SHOC2: variants seen among roughly 807,000 people sequenced by gnomAD.
SHOC2 encodes SHOC2 leucine rich repeat scaffold protein.
A neutral mutation model predicts 50.2 loss-of-function variants in SHOC2; 4 were observed. The ratio of observed to expected loss-of-function variants is 0.08; its 90% CI spans 0.04 to 0.18. SHOC2 has a LOEUF of 0.18. Among genes scored for constraint, SHOC2 ranks in the 10% least tolerant of loss-of-function variants. The pLI, the probability that SHOC2 is intolerant of heterozygous loss-of-function variation, is 1.00. For missense variants in SHOC2, 388 were observed against 669.6 expected (o/e 0.58, Z 4.64); for synonymous variants, 218 against 244.5 (o/e 0.89, Z 1.01).
At chr10:110,926,969 T>G (rs1001823981) in intron 1 of SHOC2, among the ~76,000 whole-genome samples, 2 of 152,220 alleles carry the variant, frequency 1.3e-5, no homozygotes, top group Non-Finnish European at 2.9e-5. Flanking sequence ...TTACTATGTG[T>G]TTCTTTGTTT....
At position 110,973,212 on chromosome 10, in the gene SHOC2, T is replaced by G. The variant is rs1847815698; in HGVS notation, c.703+8151T>G. Among the ~76,000 whole-genome samples, 3 of 152,234 alleles carry G rather than the reference T, an allele frequency of 2.0e-5. No homozygotes were observed. In the South Asian group the frequency reaches 6.2e-4, roughly 32 times the overall value. ...TTTACGAATGTATTTTAATAAGATT[T>G]GCTCTGATTTTTATAGAGCTGAACT... On this transcript the variant is annotated intron_variant, in intron 2 of 8. Transcript: ENST00000369452.
At position 110,964,974 on chromosome 10, in the gene SHOC2, A is replaced by C. The variant is rs370388274; in HGVS notation, c.616A>C (p.Thr206Pro). ...TLYLRFNRITTVEKDIKNLSK... is the reference protein window; with the variant it reads ...TLYLRFNRITPVEKDIKNLSK... ...TTACCTTCGCTTTAATCGTATAACT[A>C]CTGTGGAAAAGGACATCAAAAACTT... Residue 206 changes from threonine to proline, a missense_variant, in exon 2 of 9, where the codon ACT becomes CCT. Physicochemically the swap from Thr to Pro is conservative, Grantham distance 38. Around this residue, in one of 5 missense-constraint regions of SHOC2, gnomAD observed 88 missense variants for 147.2 expected, o/e 0.60. Coordinates refer to ENST00000369452, the MANE Select transcript of SHOC2 (RefSeq NM_007373.4). The surrounding 1 kb of genome is among the most constrained non-coding windows in gnomAD (Gnocchi z 4.9). 2 of 1,613,528 alleles carry C rather than the reference A, an allele frequency of 1.2e-6. No individual in the cohort carries two copies. The highest frequency in any genetic ancestry group is 2.7e-5 in the African/African-American group (2 of 74,924).
intron 2 of SHOC2, among the ~76,000 whole-genome samples, chr10:110,979,475 G>T (rs1015771319): frequency 6.6e-6 from 1 of 152,188 alleles, no homozygotes; most frequent in African/African-American, 2.4e-5. Flanking sequence ...ATGAGGCAGG[G>T]CCATTGGGGG....
At chr10:110,970,645 C>T (rs1227491305) in intron 2 of SHOC2, among the ~76,000 whole-genome samples, 1 of 151,666 alleles carries the variant, frequency 6.6e-6, no homozygotes, top group Non-Finnish European at 1.5e-5. Flanking sequence ...ATTTATGGTA[C>T]ACCCACCAAC....
At chr10:110,993,189 A>G (rs1322633781) in intron 3 of SHOC2, among the ~76,000 whole-genome samples, 1 of 152,192 alleles carries the variant, frequency 6.6e-6, no homozygotes, top group Non-Finnish European at 1.5e-5. Context: ...GAGCTCAGCA[A>G]CAATGATTTT....
intron 1 of SHOC2, among the ~76,000 whole-genome samples, chr10:110,957,840 C>G (rs1388416003): frequency 6.6e-6 from 1 of 152,186 alleles, no homozygotes; most frequent in Non-Finnish European, 1.5e-5. Flanking sequence ...TGTCCTCATA[C>G]ATTCCTTTTA....
chr10:110,975,357 G>T (rs535679768), intron 2 of SHOC2, among the ~76,000 whole-genome samples: 2 of 151,900 alleles, frequency 1.3e-5, no homozygotes, highest in South Asian at 4.2e-4. Flanking sequence ...GGGTTTCACC[G>T]TGTCTCGATC....
At chr10:110,996,213 T>C (rs910517201) in intron 3 of SHOC2, among the ~76,000 whole-genome samples, 4 of 152,098 alleles carry the variant, frequency 2.6e-5, no homozygotes, top group African/African-American at 9.7e-5. Context: ...TTTGATACAA[T>C]AGGAAATAGG....
intron 2 of SHOC2, among the ~76,000 whole-genome samples, chr10:110,972,176 A>G (rs1330838170): frequency 2.6e-5 from 4 of 151,054 alleles, no homozygotes; most frequent in African/African-American, 9.7e-5. Flanking sequence ...TAAAAAGTAT[A>G]GTATTTTCAA....
In SHOC2 at chr10:110,940,910, G is replaced by GTTTTTTTT. The variant is rs539552844; in HGVS notation, c.-235+21284_-235+21291dup. Reference sequence around the variant, plus strand: ...GACAAAATAGTGGTATTTGTGGTGGGTTTTTTTTTTTTTTTTTTTTTTTTT... The same window carrying GTTTTTTTT: ...GACAAAATAGTGGTATTTGTGGTGGGTTTTTTTTTTTTTTTTTTTTTTTTTTTTTTTTT... On this transcript the variant is annotated intron_variant, in intron 1 of 8. Coordinates refer to ENST00000369452, the MANE Select transcript of SHOC2 (RefSeq NM_007373.4). 9.6e-4 allele frequency among the ~76,000 whole-genome samples: 115 copies of GTTTTTTTT among 119,452 alleles called. 2 individuals are homozygous for GTTTTTTTT. The highest frequency in any genetic ancestry group is 1.2e-3 in the East Asian group (5 of 4,022). 78.4% of individuals were successfully genotyped at this position (119,452 alleles called of 152,430 possible). A position where few individuals can be genotyped will look rare whatever the true frequency, so the allele number is the denominator to read the frequency against.
intron 3 of SHOC2, among the ~76,000 whole-genome samples, chr10:110,994,110 AT>A (rs759677179): frequency 2.1e-4 from 31 of 147,908 alleles, no homozygotes; most frequent in Non-Finnish European, 2.4e-4. Context: ...GTTTACTTCC[AT>A]TTTTTTTTTT....
At chr10:110,946,111 G>C (rs1285762654) in intron 1 of SHOC2, among the ~76,000 whole-genome samples, 1 of 151,928 alleles carries the variant, frequency 6.6e-6, no homozygotes, top group Admixed American at 6.5e-5. Context: ...AATCCCTTCA[G>C]TTTGAATAGT....
chr10:110,926,454 TTTA>T lies in SHOC2; in HGVS notation c.-235+6800_-235+6802del, dbSNP rs201322263. On this transcript the variant is annotated intron_variant, in intron 1 of 8. Coordinates refer to ENST00000369452, the MANE Select transcript of SHOC2 (RefSeq NM_007373.4). ...TCCTTCAAGCCTTAATTCAGGCATT[TTTA>T]TTCTCACGTAGTGCACAATTTTTAA... is the stretch of plus-strand genomic sequence containing the variant. 6.5e-3 allele frequency among the ~76,000 whole-genome samples: 995 copies of T among 152,354 alleles called. 9 individuals are homozygous for T. The highest frequency in any genetic ancestry group is 0.023 in the African/African-American group (953 of 41,582).
At chr10:110,992,496 G>A (rs969422052) in intron 3 of SHOC2, among the ~76,000 whole-genome samples, 14 of 152,064 alleles carry the variant, frequency 9.2e-5, no homozygotes, top group African/African-American at 2.9e-4. Context: ...ATGTAATCCA[G>A]GGAAGAAACA....
At chr10:110,995,283 A>G (rs1272351482) in intron 3 of SHOC2, among the ~76,000 whole-genome samples, 3 of 152,250 alleles carry the variant, frequency 2.0e-5, no homozygotes, top group African/African-American at 7.2e-5. Context: ...AACAGTTAAC[A>G]TAAGACCAAA....
chr10:110,964,720 A>G lies in SHOC2; in HGVS notation c.362A>G (p.Glu121Gly). 1 of 1,614,156 alleles carries G rather than the reference A, an allele frequency of 6.2e-7. No homozygotes were observed. Among genetic ancestry groups the G allele is most frequent in the Non-Finnish European group, 8.5e-7 (1 of 1,179,990 alleles). The change falls in exon 2 of 9, where the codon GAG becomes GGG. Residue 121 changes from glutamate to glycine, a missense_variant. Coordinates refer to ENST00000369452, the MANE Select transcript of SHOC2 (RefSeq NM_007373.4). The surrounding 1 kb of genome is among the most constrained non-coding windows in gnomAD (Gnocchi z 4.9). ...CACATATTGCCATCATCAATCAAAG[A>G]GTTGACTCAATTAACAGAACTTTAT... ...SIHILPSSIK[E>G]LTQLTELYLY...
chr10:111,002,782 A>G (rs934854954), intron 4 of SHOC2, among the ~76,000 whole-genome samples: 3 of 149,490 alleles, frequency 2.0e-5, no homozygotes. Context: ...ATTCTAACAA[A>G]AAAAAAAAAA....
At chr10:110,944,660 C>A (rs1847214915) in intron 1 of SHOC2, among the ~76,000 whole-genome samples, 1 of 152,148 alleles carries the variant, frequency 6.6e-6, no homozygotes, top group Non-Finnish European at 1.5e-5. Flanking sequence ...TCACATTTTG[C>A]CCTCTCTTCA....
intron 1 of SHOC2, among the ~76,000 whole-genome samples, chr10:110,940,925 T>G (rs1490830563): frequency 0.089 from 461 of 5,188 alleles, 59 homozygotes; most frequent in African/African-American, 0.19. Flanking sequence ...TTTTTTTTTT[T>G]TTTTTTTTTT....
Sources: gnomAD v4.1 joint callset for allele counts (sites outside exome capture counted in the v4.1 genomes callset) on GRCh38, gnomAD v4.1.1 for gene constraint, gnomAD v4.1.1 regional missense constraint, Gnocchi (gnomAD v3.1) non-coding constraint, MANE v1.5 for transcripts, NCBI Gene and HGNC (gene_info 2026-07-23, HGNC 2026-07-21) for gene names.